Variants in VLDLR observed in about 807,000 individuals in gnomAD.
The protein encoded by VLDLR is very low density lipoprotein receptor.
A neutral mutation model predicts 112.7 loss-of-function variants in VLDLR; 81 were observed. The ratio of observed to expected loss-of-function variants is 0.72; its 90% CI spans 0.60 to 0.86. The LOEUF is 0.86. Among genes scored for constraint, VLDLR ranks in the 40% least tolerant of loss-of-function variants. VLDLR has a pLI of 0.00. For missense variants in VLDLR, 1,237 were observed against 1,099.4 expected (o/e 1.13, Z -1.77); for synonymous variants, 436 against 384.8 (o/e 1.13, Z -1.56).
intron 1 of VLDLR, among the ~76,000 whole-genome samples, chr9:2,633,832 T>G (rs1019570904): frequency 1.3e-5 from 2 of 152,108 alleles, no homozygotes; most frequent in Admixed American, 6.5e-5. Flanking sequence ...GCAAACATAT[T>G]AAGAATCCAG....
chr9:2,635,510 C>T lies in VLDLR; in HGVS notation c.140C>T (p.Thr47Met), dbSNP rs763801214. The T allele has an allele frequency of 1.1e-5, 18 of 1,613,922 alleles. No individual in the cohort carries two copies. The highest frequency in any genetic ancestry group is 3.3e-5 in the Admixed American group (2 of 59,994). Residue 47 changes from threonine to methionine, a missense_variant, in exon 2 of 19, where the codon ACG becomes ATG. By Grantham distance (81) the Thr-to-Met change is moderately conservative. Transcript: ENST00000382100. ...CAGTGCACAAATGGTCGCTGTATTACGCTGTTGTGGAAATGTGATGGGGAT... is the reference window on the plus strand; with the variant it reads ...CAGTGCACAAATGGTCGCTGTATTATGCTGTTGTGGAAATGTGATGGGGAT... The part of the protein sequence containing the change: ...QFQCTNGRCI[T>M]LLWKCDGDED...
chr9:2,647,882 G>C (rs376047276), intron 12 of VLDLR: 2 of 569,492 alleles, frequency 3.5e-6, no homozygotes, highest in South Asian at 2.1e-5. Context: ...GAGTGCCTTA[G>C]CATTTCCTGA....
intron 1 of VLDLR, 56 bp downstream of exon 1, chr9:2,622,327 G>A: frequency 7.2e-7 from 1 of 1,396,692 alleles, no homozygotes; most frequent in East Asian, 3.0e-5. Flanking sequence ...GGCACCGGGA[G>A]ACCCCGAGGC....
chr9:2,637,350 A>AGT (rs1817636846), intron 2 of VLDLR, among the ~76,000 whole-genome samples: 1 of 152,210 alleles, frequency 6.6e-6, no homozygotes, highest in Non-Finnish European at 1.5e-5. Context: ...AGATTCTATT[A>AGT]GCCATGTGCT....
intron 1 of VLDLR, among the ~76,000 whole-genome samples, 188 bp from the exon 2 acceptor site, chr9:2,635,265 G>C (rs1817550694): frequency 1.3e-5 from 2 of 152,112 alleles, no homozygotes; most frequent in African/African-American, 2.4e-5. Context: ...TTTAGTCTTA[G>C]CATGCACCCA....
intron 9 of VLDLR, 63 bp from the exon 10 acceptor site, chr9:2,645,511 G>T: frequency 6.3e-7 from 1 of 1,579,434 alleles, no homozygotes. Flanking sequence ...CTGGGAGGAG[G>T]TGGTTTAGAA....
chr9:2,641,501 TAAG>T lies in VLDLR; in HGVS notation c.448+7_448+9del, dbSNP rs748569701. The T allele has an allele frequency of 5.0e-6, 8 of 1,614,078 alleles. No homozygotes were observed. The highest frequency in any genetic ancestry group is 1.1e-5 in the South Asian group (1 of 91,076). ...GTGGAGAAGATGAAGAAAACTGTGG[TAAG>T]AAGATCAGTGTTGAGTGACGTAACC... is the stretch of plus-strand genomic sequence containing the variant. On this transcript the variant is annotated splice_donor_5th_base_variant and intron_variant, in intron 4 of 18. Transcript: ENST00000382100.
In VLDLR at chr9:2,639,804, G is replaced by A. The variant is rs567017041; in HGVS notation, c.203-55G>A. 217 of 1,613,524 alleles carry A rather than the reference G, an allele frequency of 1.3e-4. No individual in the cohort carries two copies. In the Admixed American group the frequency reaches 1.9e-3, roughly 14 times the overall value. On this transcript the variant is annotated intron_variant, in intron 2 of 18. Transcript: ENST00000382100. Reference sequence around the variant, plus strand: ...AATGCAGTATGAGCCCTCATGTGAAGCTAGGGCTGTGGGTAAATGACTTCA... The same window carrying A: ...AATGCAGTATGAGCCCTCATGTGAAACTAGGGCTGTGGGTAAATGACTTCA...
Position 2,635,538 on chromosome 9 carries a change from A to G in VLDLR, c.168A>G (p.Glu56=). The change falls in exon 2 of 19, where the codon GAA becomes GAG. Residue 56 remains glutamate, a synonymous_variant. Transcript: ENST00000382100. ...TGTTGTGGAAATGTGATGGGGATGA[A>G]GACTGTGTTGACGGCAGTGATGAAA... ...ITLLWKCDGD[E]DCVDGSDEKN... 1 of 1,614,166 alleles carries G rather than the reference A, an allele frequency of 6.2e-7. No homozygotes were observed. The highest frequency in any genetic ancestry group is 8.5e-7 in the Non-Finnish European group (1 of 1,179,988).
chr9:2,652,008 A>C, intron 17 of VLDLR, 54 bp downstream of exon 17: 3 of 1,571,416 alleles, frequency 1.9e-6, no homozygotes, highest in Non-Finnish European at 2.6e-6. Context: ...TACCAGATGA[A>C]GATTTTTTGT....
At chr9:2,622,360 G>A (rs968433741) in intron 1 of VLDLR, 89 bp downstream of exon 1, 21 of 1,209,090 alleles carry the variant, frequency 1.7e-5, no homozygotes, top group African/African-American at 3.2e-5. Context: ...TTGCCCACCC[G>A]CCTCCTAGGA....
At chr9:2,642,394 T>G (rs1326340797) in intron 4 of VLDLR, among the ~76,000 whole-genome samples, 1 of 152,184 alleles carries the variant, frequency 6.6e-6, no homozygotes, top group Non-Finnish European at 1.5e-5. Context: ...GTTTTAGTGT[T>G]CAATCCTAGA....
At position 2,655,965 on chromosome 9, in the gene VLDLR, A is replaced by T. The variant is rs1006289268; in HGVS notation, c.*2097A>T. On this transcript the variant is annotated 3_prime_UTR_variant, in exon 19 of 19. Coordinates refer to ENST00000382100, the MANE Select transcript of VLDLR (RefSeq NM_003383.5). Reference sequence around the variant, plus strand: ...AAAAAACATGGATTTTTTTTTTTTTAACTGGAGTAATACCAAATTCCCTTT... The same window carrying T: ...AAAAAACATGGATTTTTTTTTTTTTTACTGGAGTAATACCAAATTCCCTTT... 5 of 151,118 alleles carry T rather than the reference A, an allele frequency of 3.3e-5. No individual in the cohort carries two copies. The highest frequency in any genetic ancestry group is 4.2e-4 in the South Asian group (2 of 4,784). 9.4% of individuals were successfully genotyped at this position (151,118 alleles called of 1,614,324 possible). A position where few individuals can be genotyped will look rare whatever the true frequency, so the allele number is the denominator to read the frequency against.
rs1315927004 is a variant in VLDLR at position 2,655,510 on chromosome 9, G to C, written c.*1642G>C. 1 of 152,140 alleles carries C rather than the reference G, an allele frequency of 6.6e-6. No individual in the cohort carries two copies. Among genetic ancestry groups the C allele is most frequent in the East Asian group, 1.9e-4 (1 of 5,186 alleles). The allele number at this position is 152,140 out of a possible 1,614,324, so 9.4% of individuals were successfully genotyped here. A position where few individuals can be genotyped will look rare whatever the true frequency, so the allele number is the denominator to read the frequency against. ...CAAGAGGATGAAGAGAAGATGTTTT[G>C]CGTTGCTACGTGAATCAGTGGATGA... On this transcript the variant is annotated 3_prime_UTR_variant, in exon 19 of 19. Transcript: ENST00000382100.
rs1413279389 is a variant in VLDLR, at chr9:2,621,975, G to C, written c.-215G>C. 15 of 657,206 alleles carry C rather than the reference G, an allele frequency of 2.3e-5. No individual in the cohort carries two copies. The Admixed American group carries it at 3.2e-4, about 14-fold the overall frequency. The allele number at this position is 657,206 out of a possible 1,614,324, so 40.7% of individuals were successfully genotyped here. A position where few individuals can be genotyped will look rare whatever the true frequency, so the allele number is the denominator to read the frequency against. ...TTGCACTGCTGCTGCAGCCCGGGGAGGTGGCTGGGTGGGTGGGGAGGAGAC... is the reference window on the plus strand; with the variant it reads ...TTGCACTGCTGCTGCAGCCCGGGGACGTGGCTGGGTGGGTGGGGAGGAGAC... On this transcript the variant is annotated 5_prime_UTR_variant, in exon 1 of 19. Coordinates refer to ENST00000382100, the MANE Select transcript of VLDLR (RefSeq NM_003383.5).
At chr9:2,631,891 G>A (rs1166593270) in intron 1 of VLDLR, among the ~76,000 whole-genome samples, 1 of 151,818 alleles carries the variant, frequency 6.6e-6, no homozygotes, top group Non-Finnish European at 1.5e-5. Flanking sequence ...TTTTCTTGGA[G>A]CCAGTGAACT....
intron 1 of VLDLR, among the ~76,000 whole-genome samples, chr9:2,633,562 A>T (rs10812380): frequency 6.6e-6 from 1 of 151,986 alleles, no homozygotes; most frequent in East Asian, 1.9e-4. Flanking sequence ...GTAGATATCA[A>T]TGTCAATGTT....
chr9:2,646,251 G>A (rs969634968), intron 10 of VLDLR, 83 bp from the exon 11 acceptor site: 5 of 1,350,502 alleles, frequency 3.7e-6, no homozygotes, highest in Non-Finnish European at 5.3e-6. Flanking sequence ...CAAAGTCATT[G>A]ACCATTTTGT....
chr9:2,650,536 A>G lies in VLDLR; in HGVS notation c.2251+20A>G. The G allele has an allele frequency of 6.2e-7, 1 of 1,612,326 alleles. No homozygotes were observed. The highest frequency in any genetic ancestry group is 8.5e-7 in the Non-Finnish European group (1 of 1,179,876). ...GTCAAAGTAAGGCATTTTGTGTTTC[A>G]ACCACAAGTAGAACCTACAACAAGC... On this transcript the variant is annotated intron_variant, in intron 15 of 18. Coordinates refer to ENST00000382100, the MANE Select transcript of VLDLR (RefSeq NM_003383.5).
Sources: allele counts gnomAD v4.1 joint callset (sites outside exome capture counted in the v4.1 genomes callset), GRCh38; gene constraint gnomAD v4.1.1; transcripts MANE v1.5; gene names NCBI Gene and HGNC (gene_info 2026-07-23, HGNC 2026-07-21).